MAP6: variants seen among roughly 807,000 people sequenced by gnomAD.
MAP6 encodes the protein microtubule-associated protein 6.
A neutral mutation model predicts 42.4 loss-of-function variants in MAP6; 26 were observed. The observed-to-expected ratio is 0.61, with a 90% CI of 0.45 to 0.85. The LOEUF is 0.85. Ranked by LOEUF, MAP6 falls within the 40% of genes least tolerant of loss-of-function variation. The probability of loss-of-function intolerance (pLI) is 0.00; values close to 1 mark genes in which losing one functional copy is unlikely to be tolerated. For synonymous variants in MAP6, 418 were observed against 443.8 expected, an observed-to-expected ratio of 0.94 and a Z score of 0.73; for missense variants, 966 against 1,099.0, an observed-to-expected ratio of 0.88 and a Z score of 1.71.
intron 1 of MAP6, among the ~76,000 whole-genome samples, chr11:75,644,907 A>C (rs1245479555): frequency 6.6e-6 from 1 of 152,210 alleles, no homozygotes; most frequent in Non-Finnish European, 1.5e-5. Flanking sequence ...GCTCCAAAGA[A>C]AGAGAATCTT....
At chr11:75,660,186 C>A (rs1243847219) in intron 1 of MAP6, among the ~76,000 whole-genome samples, 1 of 152,196 alleles carries the variant, frequency 6.6e-6, no homozygotes, top group Non-Finnish European at 1.5e-5. Flanking sequence ...GTGTATCCCC[C>A]ATGGCTCCAT....
rs1225825980 is a variant in MAP6, at chr11:75,623,984, TGCATCAGGGATGTGCAGCCAG to T, written c.906-15683_906-15663del. Reference sequence around the variant, plus strand: ...ACCTGCGGTGGCCAGAGCTCTGGGGTGCATCAGGGATGTGCAGCCAGGCCAGCAGCGGGTGGGCAGTCTGGT... The same window carrying T: ...ACCTGCGGTGGCCAGAGCTCTGGGGTGCCAGCAGCGGGTGGGCAGTCTGGT... On this transcript the variant is annotated intron_variant, in intron 1 of 3. Transcript: ENST00000304771. 2.0e-5 allele frequency among the ~76,000 whole-genome samples: 3 copies of T among 152,104 alleles called. No homozygotes were observed. In the East Asian group the frequency reaches 5.8e-4, roughly 29 times the overall value.
At chr11:75,591,198 G>A (rs1466733691) in intron 3 of MAP6, among the ~76,000 whole-genome samples, 2 of 151,814 alleles carry the variant, frequency 1.3e-5, no homozygotes, top group African/African-American at 4.8e-5. Context: ...CAAGCCAATG[G>A]TCACCATATT....
chr11:75,629,012 T>C (rs977961851), intron 1 of MAP6, among the ~76,000 whole-genome samples: 3 of 152,220 alleles, frequency 2.0e-5, no homozygotes, highest in African/African-American at 7.2e-5. Flanking sequence ...TAAAGAGATC[T>C]GCCCAAAGTC....
At chr11:75,610,423 C>T (rs1590766684) in intron 1 of MAP6, among the ~76,000 whole-genome samples, 2 of 152,206 alleles carry the variant, frequency 1.3e-5, no homozygotes, top group South Asian at 4.1e-4. Flanking sequence ...GTCTGCCTAA[C>T]AGGATGCTGG....
chr11:75,604,662 C>A (rs1400115103), intron 3 of MAP6: 4 of 985,234 alleles, frequency 4.1e-6, no homozygotes, highest in Non-Finnish European at 4.8e-6. Flanking sequence ...GCGAAGGTGG[C>A]ACTTGCCACC....
chr11:75,649,799 A>G (rs1458777071), intron 1 of MAP6, among the ~76,000 whole-genome samples: 1 of 152,134 alleles, frequency 6.6e-6, no homozygotes, highest in African/African-American at 2.4e-5. Flanking sequence ...TAGGCCTCCC[A>G]AAGTGCTGGG....
intron 1 of MAP6, among the ~76,000 whole-genome samples, chr11:75,644,491 A>C (rs117188062): frequency 0.013 from 1,906 of 152,278 alleles, 13 homozygotes; most frequent in South Asian, 0.048. Context: ...CTTAATCCTA[A>C]AAATAATTTT....
chr11:75,668,330 G>A lies in MAP6; in HGVS notation c.40C>T (p.Arg14Cys), dbSNP rs1373198769. ...GCTTTGTCCAACTGGTTCCAGAAGC[G>A]GGCGATGCAGCAGGCCCTCGTGATG... is the stretch of plus-strand genomic sequence containing the variant. ...PCITRACCIA[R>C]FWNQLDKADI... is the part of the protein sequence containing the mutation. The change falls in exon 1 of 4, where the codon CGC becomes TGC. Residue 14 changes from arginine to cysteine, a missense_variant. Arg to Cys is a radical substitution (Grantham distance 180). This residue lies in a region of MAP6 where 23 missense variants were observed against 49.1 expected (regional missense o/e 0.47). Transcript: ENST00000304771. 2 of 1,577,838 alleles carry A rather than the reference G, an allele frequency of 1.3e-6. No individual in the cohort carries two copies. Among genetic ancestry groups the A allele is most frequent in the Admixed American group, 3.4e-5 (2 of 58,832 alleles).
At position 75,596,190 on chromosome 11, in the gene MAP6, C is replaced by T. The variant is rs558371647; in HGVS notation, c.1317-8006G>A. The T allele has an allele frequency of 3.3e-5, 5 of 152,394 alleles. No homozygotes were observed. The East Asian group carries it at 9.6e-4, about 29-fold the overall frequency. 9.4% of individuals were successfully genotyped at this position (152,394 alleles called of 1,614,324 possible). A position where few individuals can be genotyped will look rare whatever the true frequency, so the allele number is the denominator to read the frequency against. On this transcript the variant is annotated intron_variant, in intron 3 of 3. Coordinates refer to ENST00000304771, the MANE Select transcript of MAP6 (RefSeq NM_033063.2). ...GTCAGCCAGGCAGACAGAAAGCCCT[C>T]TCCTCACCTTCCAGAAGCGAAAACG...
intron 1 of MAP6, among the ~76,000 whole-genome samples, chr11:75,628,992 C>T (rs1012602704): frequency 1.3e-5 from 2 of 152,182 alleles, no homozygotes; most frequent in East Asian, 3.8e-4. Context: ...AACACAGAGG[C>T]TCTGTGAGGT....
chr11:75,625,752 A>C (rs1263044519), intron 1 of MAP6, among the ~76,000 whole-genome samples: 9 of 152,224 alleles, frequency 5.9e-5, no homozygotes, highest in Admixed American at 2.6e-4. Flanking sequence ...ATATCAAAAT[A>C]AAATTTGGTA....
chr11:75,597,529 A>C (rs901075814), intron 3 of MAP6, among the ~76,000 whole-genome samples: 1 of 152,226 alleles, frequency 6.6e-6, no homozygotes, highest in Admixed American at 6.5e-5. Flanking sequence ...GAATCTAATA[A>C]TTCTGCTAAT....
At chr11:75,618,400 A>G (rs1326042741) in intron 1 of MAP6, among the ~76,000 whole-genome samples, 1 of 152,044 alleles carries the variant, frequency 6.6e-6, no homozygotes, top group African/African-American at 2.4e-5. Flanking sequence ...TGAGATCAGG[A>G]GTTTGAGACC....
In MAP6 at chr11:75,587,091, G is replaced by A; in HGVS notation, c.2410C>T (p.Pro804Ser). Reference protein sequence around the residue: ...PLPRVMIPTAPHTEYIESSP With the variant: ...PLPRVMIPTASHTEYIESSP Reference sequence around the variant, plus strand: ...GAGCTCTCAATGTATTCCGTATGGGGGGCAGTTGGGATCATGACTCGGGGT... The same window carrying A: ...GAGCTCTCAATGTATTCCGTATGGGAGGCAGTTGGGATCATGACTCGGGGT... Residue 804 changes from proline to serine, a missense_variant, in exon 4 of 4, where the codon CCC becomes TCC. Physicochemically the swap from Pro to Ser is moderately conservative, Grantham distance 74. Around this residue, in one of 2 missense-constraint regions of MAP6, gnomAD observed 943 missense variants for 1,049.9 expected, o/e 0.90. Transcript: ENST00000304771. The A allele has an allele frequency of 1.2e-6, 2 of 1,605,952 alleles. No homozygotes were observed. Among genetic ancestry groups the A allele is most frequent in the Non-Finnish European group, 1.7e-6 (2 of 1,174,292 alleles).
At chr11:75,618,322 C>T (rs1220623368) in intron 1 of MAP6, among the ~76,000 whole-genome samples, 1 of 152,032 alleles carries the variant, frequency 6.6e-6, no homozygotes, top group African/African-American at 2.4e-5. Flanking sequence ...AAAATTGACT[C>T]TTGGCTGGGC....
chr11:75,596,356 T>G (rs1942578649), intron 3 of MAP6: 1 of 152,282 alleles, frequency 6.6e-6, no homozygotes, highest in African/African-American at 2.4e-5. Context: ...AATTTGTCTG[T>G]AGATGCCTGG....
In MAP6 at chr11:75,667,149, A is replaced by C. The variant is rs963928196; in HGVS notation, c.905+316T>G. Among the ~76,000 whole-genome samples, 3 of 152,158 alleles carry C rather than the reference A, an allele frequency of 2.0e-5. No individual in the cohort carries two copies. The highest frequency in any genetic ancestry group is 4.4e-5 in the Non-Finnish European group (3 of 68,024). ...TTGGATGGGGGCACGACGGAAGCAC[A>C]GCCTCTGCTGACATTGCAAAGGGTC... On this transcript the variant is annotated intron_variant, in intron 1 of 3. Transcript: ENST00000304771. This position sits in a 1 kb window ranked among gnomAD's most constrained non-coding sequence, Gnocchi z 5.6.
At position 75,667,172 on chromosome 11, in the gene MAP6, G is replaced by A. The variant is rs1410817863; in HGVS notation, c.905+293C>T. On this transcript the variant is annotated intron_variant, in intron 1 of 3. Coordinates refer to ENST00000304771, the MANE Select transcript of MAP6 (RefSeq NM_033063.2). This position sits in a 1 kb window ranked among gnomAD's most constrained non-coding sequence, Gnocchi z 5.6. ...ACAGCCTCTGCTGACATTGCAAAGGGTCTCTGTGGGAAGGCAGGGATCTGA... is the reference window on the plus strand; with the variant it reads ...ACAGCCTCTGCTGACATTGCAAAGGATCTCTGTGGGAAGGCAGGGATCTGA... Among the ~76,000 whole-genome samples the A allele has an allele frequency of 1.3e-5, 2 of 152,210 alleles. No homozygotes were observed. The highest frequency in any genetic ancestry group is 2.9e-5 in the Non-Finnish European group (2 of 68,030).
Sources: gnomAD v4.1 joint callset for allele counts (sites outside exome capture counted in the v4.1 genomes callset) on GRCh38, gnomAD v4.1.1 for gene constraint, gnomAD v4.1.1 regional missense constraint, Gnocchi (gnomAD v3.1) non-coding constraint, MANE v1.5 for transcripts, NCBI Gene and HGNC (gene_info 2026-07-23, HGNC 2026-07-21) for gene names.